GLT1D1: variants seen among roughly 807,000 people sequenced by gnomAD.
The protein encoded by GLT1D1 is glycosyltransferase 1 domain containing 1.
Under a neutral mutation model 28.7 loss-of-function variants are expected in GLT1D1, and 21 were observed. That is an observed-to-expected ratio of 0.73 (90% CI 0.52 to 1.05). GLT1D1 has a LOEUF of 1.05. Among genes scored for constraint, GLT1D1 ranks in the 50% least tolerant of loss-of-function variants. GLT1D1 has a pLI of 0.00. For synonymous variants in GLT1D1, 147 were observed against 124.8 expected (o/e 1.18, Z -1.19); for missense variants, 343 against 330.6 (o/e 1.04, Z -0.29).
chr12:128,931,917 G>GCACGCACGCACACACA (rs1368012620), intron 4 of GLT1D1, among the ~76,000 whole-genome samples: 1,809 of 141,076 alleles, frequency 0.013, 39 homozygotes, highest in African/African-American at 0.044. Context: ...ACACACGCAC[G>GCACGCACGCACACACA]CACACACACA....
chr12:128,889,788 T>C (rs1315844154), intron 3 of GLT1D1, among the ~76,000 whole-genome samples: 1 of 152,210 alleles, frequency 6.6e-6, no homozygotes, highest in Non-Finnish European at 1.5e-5. Flanking sequence ...TTCTCTTCTC[T>C]TTTCCTGACA....
intron 4 of GLT1D1, among the ~76,000 whole-genome samples, chr12:128,906,319 G>A (rs996745446): frequency 9.9e-5 from 15 of 152,100 alleles, no homozygotes; most frequent in African/African-American, 3.6e-4. Context: ...TCTAGTCCAC[G>A]TTTAGAGCGC....
chr12:128,926,617 A>G (rs75044161), intron 4 of GLT1D1, among the ~76,000 whole-genome samples, 163 bp downstream of exon 7: 3,318 of 152,326 alleles, frequency 0.022, 60 homozygotes, highest in South Asian at 0.049. Flanking sequence ...AAAATAATGC[A>G]TGGGATCAGC....
intron 1 of GLT1D1, among the ~76,000 whole-genome samples, chr12:128,866,290 C>T (rs184089302): frequency 6.7e-6 from 1 of 149,606 alleles, no homozygotes; most frequent in Non-Finnish European, 1.5e-5. Context: ...AGGATGCTCT[C>T]GATCTCCTGA....
At chr12:128,869,272 T>A (rs1956624870) in intron 1 of GLT1D1, among the ~76,000 whole-genome samples, 1 of 151,964 alleles carries the variant, frequency 6.6e-6, no homozygotes, top group Non-Finnish European at 1.5e-5. Flanking sequence ...GCTAAAGCCA[T>A]CCTCCCACCT....
At chr12:128,885,386 C>A (rs776511021) in intron 2 of GLT1D1, among the ~76,000 whole-genome samples, 1 of 152,054 alleles carries the variant, frequency 6.6e-6, no homozygotes. Flanking sequence ...CCACACCCAG[C>A]TAATTTTTGT....
intron 1 of GLT1D1, chr12:128,864,125 T>A: frequency 1.5e-6 from 1 of 668,942 alleles, no homozygotes; most frequent in Non-Finnish European, 2.7e-6. Context: ...CCAGCTCGGC[T>A]GGGGCAGGAG....
chr12:128,900,771 G>A (rs1375266826), intron 4 of GLT1D1, among the ~76,000 whole-genome samples: 1 of 152,038 alleles, frequency 6.6e-6, no homozygotes, highest in Non-Finnish European at 1.5e-5. Flanking sequence ...GAGTAGCTGG[G>A]ACGACAGGCA....
chr12:128,978,487 T>G (rs368145525), intron 7 of GLT1D1, among the ~76,000 whole-genome samples: 3 of 152,168 alleles, frequency 2.0e-5, no homozygotes, highest in Non-Finnish European at 4.4e-5. Flanking sequence ...GGGCTCCCCA[T>G]GCGACCTGGG....
At position 128,858,533 on chromosome 12, in the gene GLT1D1, G is replaced by T. The variant is rs529341310; in HGVS notation, c.68+4884G>T. ...CTAAAAATACCAAAATTAGCTGGGCGTGGTGGCACACACCTGTAATCCCAG... is the reference window on the plus strand; with the variant it reads ...CTAAAAATACCAAAATTAGCTGGGCTTGGTGGCACACACCTGTAATCCCAG... On this transcript the variant is annotated intron_variant, in intron 1 of 7. Coordinates refer to ENST00000281703, the MANE Select transcript of GLT1D1 (RefSeq NM_144669.3). 1.5e-3 allele frequency among the ~76,000 whole-genome samples: 224 copies of T among 152,178 alleles called. 1 individual carries two copies. The highest frequency in any genetic ancestry group is 6.8e-3 in the Middle Eastern group (2 of 294).
chr12:128,872,761 C>T (rs1956730622), intron 1 of GLT1D1, among the ~76,000 whole-genome samples: 1 of 152,162 alleles, frequency 6.6e-6, no homozygotes, highest in Non-Finnish European at 1.5e-5. Context: ...CGCTCACACT[C>T]ACACACATAC....
At chr12:128,864,517 C>T (rs1379835271) in intron 1 of GLT1D1, among the ~76,000 whole-genome samples, 8 of 152,222 alleles carry the variant, frequency 5.3e-5, no homozygotes, top group Middle Eastern at 3.4e-3. Flanking sequence ...GATCTTGTTC[C>T]GCAGGAGTAG....
At chr12:128,902,961 T>C (rs1435335447) in intron 4 of GLT1D1, among the ~76,000 whole-genome samples, 1 of 150,974 alleles carries the variant, frequency 6.6e-6, no homozygotes, top group Non-Finnish European at 1.5e-5. Flanking sequence ...AGAGAATTGC[T>C]TGAACCCAGG....
chr12:128,949,012 A>G (rs971145799), intron 6 of GLT1D1, among the ~76,000 whole-genome samples: 5 of 152,188 alleles, frequency 3.3e-5, no homozygotes, highest in African/African-American at 1.2e-4. Flanking sequence ...ACCTCTGCTT[A>G]GGGGTTGTCA....
chr12:128,875,539 G>A (rs201896829), intron 1 of GLT1D1, among the ~76,000 whole-genome samples: 2 of 152,208 alleles, frequency 1.3e-5, no homozygotes, highest in Admixed American at 1.3e-4. Flanking sequence ...GCTCATGCCT[G>A]TAATCCCAGC....
At chr12:128,885,859 G>A (rs1292547141) in intron 2 of GLT1D1, among the ~76,000 whole-genome samples, 5 of 152,076 alleles carry the variant, frequency 3.3e-5, no homozygotes, top group African/African-American at 1.2e-4. Flanking sequence ...GTTTTACTTA[G>A]CCTCCTTTAG....
intron 4 of GLT1D1, among the ~76,000 whole-genome samples, chr12:128,903,407 C>T (rs1315410047): frequency 6.6e-6 from 1 of 151,706 alleles, no homozygotes; most frequent in African/African-American, 2.4e-5. Flanking sequence ...TTGACCAAAG[C>T]AACTCAGCGG....
chr12:128,906,856 T>C lies in GLT1D1; in HGVS notation c.375+7569T>C, dbSNP rs770839878. On this transcript the variant is annotated intron_variant, in intron 4 of 7. Coordinates refer to ENST00000281703, the MANE Select transcript of GLT1D1 (RefSeq NM_144669.3). The stretch of plus-strand genomic sequence containing the variant: ...GTTAGGCAAAACCTAAAGTGTAATT[T>C]TACTTTGTGTACATTTACTCATCAA... The C allele has an allele frequency of 7.3e-4, 510 of 700,708 alleles. 1 individual carries two copies. The highest frequency in any genetic ancestry group is 1.0e-3 in the Non-Finnish European group (388 of 384,354). 43.4% of individuals were successfully genotyped at this position (700,708 alleles called of 1,614,324 possible).
chr12:128,940,227 T>G (rs1875053829), intron 4 of GLT1D1, among the ~76,000 whole-genome samples: 1 of 152,154 alleles, frequency 6.6e-6, no homozygotes, highest in African/African-American at 2.4e-5. Flanking sequence ...TTTGACTTTT[T>G]TCTTCTGCAA....
Sources: gnomAD v4.1 joint callset for allele counts (sites outside exome capture counted in the v4.1 genomes callset) on GRCh38, gnomAD v4.1.1 for gene constraint, MANE v1.5 for transcripts, NCBI Gene and HGNC (gene_info 2026-07-23, HGNC 2026-07-21) for gene names.